Variants in ADK observed in about 807,000 individuals in gnomAD.
ADK encodes the protein adenosine kinase, also known as N6,N6-dimethyladenosine kinase.
ADK carries 24 observed loss-of-function variants against 44.7 expected under a neutral mutation model. The observed-to-expected ratio is 0.54, with a 90% CI of 0.39 to 0.76. The LOEUF (loss-of-function observed/expected upper bound fraction) is 0.76, where lower values mean the gene tolerates loss of function less well. Among genes scored for constraint, ADK ranks in the 30% least tolerant of loss-of-function variants. The pLI is 0.00. For synonymous variants in ADK, 128 were observed against 142.6 expected (o/e 0.90, Z 0.73); for missense variants, 321 against 425.1 (o/e 0.76, Z 2.15).
At chr10:74,650,453 G>A (rs904063461) in intron 9 of ADK, among the ~76,000 whole-genome samples, 5 of 151,972 alleles carry the variant, frequency 3.3e-5, no homozygotes, top group Non-Finnish European at 7.4e-5. Context: ...CTAATGTTGC[G>A]CTTTACAGCT....
chr10:74,243,065 G>A (rs544365654), intron 3 of ADK, among the ~76,000 whole-genome samples: 27 of 152,352 alleles, frequency 1.8e-4, no homozygotes, highest in African/African-American at 6.5e-4. Context: ...CTGGCCCTTT[G>A]CCCTCGCTGG....
At chr10:74,539,566 T>C (rs1029380454) in intron 7 of ADK, among the ~76,000 whole-genome samples, 1 of 152,156 alleles carries the variant, frequency 6.6e-6, no homozygotes, top group African/African-American at 2.4e-5. Context: ...ACTGTGCATA[T>C]AGATCTCTTT....
intron 9 of ADK, among the ~76,000 whole-genome samples, chr10:74,636,514 A>G (rs928092463): frequency 6.6e-6 from 1 of 152,234 alleles, no homozygotes; most frequent in Non-Finnish European, 1.5e-5. Context: ...TTAAAATAAT[A>G]GCAAGCTAAT....
At chr10:74,360,097 G>A (rs575222534) in intron 4 of ADK, among the ~76,000 whole-genome samples, 3 of 152,224 alleles carry the variant, frequency 2.0e-5, no homozygotes, top group South Asian at 4.1e-4. Context: ...TCCATGTACC[G>A]ATGAGAAGAA....
At chr10:74,427,921 G>A (rs1046752026) in intron 6 of ADK, among the ~76,000 whole-genome samples, 11 of 152,024 alleles carry the variant, frequency 7.2e-5, no homozygotes, top group African/African-American at 2.4e-4. Context: ...TAGTTCAGGC[G>A]GCCAGAGCTC....
intron 6 of ADK, among the ~76,000 whole-genome samples, chr10:74,402,722 C>T (rs1337499001): frequency 6.6e-6 from 1 of 152,008 alleles, no homozygotes; most frequent in Non-Finnish European, 1.5e-5. Flanking sequence ...TTTGTTATTA[C>T]CTATCTTTTG....
At chr10:74,588,405 A>C (rs565717316) in intron 7 of ADK, among the ~76,000 whole-genome samples, 4 of 152,198 alleles carry the variant, frequency 2.6e-5, no homozygotes, top group African/African-American at 9.6e-5. Flanking sequence ...TTTACATTAC[A>C]TTGACTTGTT....
chr10:74,684,317 G>C (rs751519725), intron 10 of ADK, among the ~76,000 whole-genome samples: 3 of 152,104 alleles, frequency 2.0e-5, no homozygotes, highest in Non-Finnish European at 4.4e-5. Flanking sequence ...AATGGCTAAG[G>C]GTTTTTCAGA....
intron 7 of ADK, among the ~76,000 whole-genome samples, chr10:74,567,149 CATT>C (rs1399195298): frequency 2.0e-5 from 3 of 152,144 alleles, no homozygotes; most frequent in Admixed American, 6.5e-5. Flanking sequence ...CTTTTTATCT[CATT>C]ATTTTATGAA....
intron 10 of ADK, among the ~76,000 whole-genome samples, chr10:74,701,615 A>C (rs1260967248): frequency 6.6e-6 from 1 of 152,244 alleles, no homozygotes; most frequent in Non-Finnish European, 1.5e-5. Context: ...GACCAAATTA[A>C]TTAAGGGCTG....
chr10:74,430,849 G>C (rs952846229), intron 6 of ADK, among the ~76,000 whole-genome samples: 2 of 151,884 alleles, frequency 1.3e-5, no homozygotes, highest in African/African-American at 4.8e-5. Context: ...AATATGCCTA[G>C]AGTGTTTGAG....
chr10:74,484,813 A>T (rs1389430066), intron 6 of ADK, among the ~76,000 whole-genome samples: 2 of 152,204 alleles, frequency 1.3e-5, no homozygotes, highest in African/African-American at 4.8e-5. Flanking sequence ...TTATTCAATA[A>T]ATGGTGCTGC....
chr10:74,406,517 T>TAAG (rs1459658853), intron 6 of ADK, among the ~76,000 whole-genome samples: 88 of 52,240 alleles, frequency 1.7e-3, no homozygotes, highest in Admixed American at 5.4e-3. Context: ...ATAATAATAA[T>TAAG]AATAATAATA....
chr10:74,355,301 AGTATGTAT>A (rs752235162), intron 4 of ADK, among the ~76,000 whole-genome samples: 1 of 152,172 alleles, frequency 6.6e-6, no homozygotes, highest in African/African-American at 2.4e-5. Flanking sequence ...TTGTTAAGAG[AGTATGTAT>A]GTATGTATAA....
In ADK at chr10:74,603,724, C is replaced by T. The variant is rs146858049; in HGVS notation, c.877+3231C>T. 6.1e-3 allele frequency among the ~76,000 whole-genome samples: 932 copies of T among 152,230 alleles called. 8 individuals are homozygous for T. Among genetic ancestry groups the T allele is most frequent in the African/African-American group, 0.021 (886 of 41,522 alleles). On this transcript the variant is annotated intron_variant, in intron 9 of 10. Transcript: ENST00000539909. Reference sequence around the variant, plus strand: ...GCAATAAACATATGTGTGTATGTGTCTTTATAGTAGAATGATTTATAATCC... The same window carrying T: ...GCAATAAACATATGTGTGTATGTGTTTTTATAGTAGAATGATTTATAATCC...
intron 7 of ADK, among the ~76,000 whole-genome samples, chr10:74,543,427 A>G (rs1849720685): frequency 6.6e-6 from 1 of 152,344 alleles, no homozygotes; most frequent in South Asian, 2.1e-4. Context: ...ATGTATGGAC[A>G]TTAAGACTGT....
At chr10:74,314,566 A>T in intron 3 of ADK, 101 bp from the exon 4 acceptor site, 1 of 733,756 alleles carries the variant, frequency 1.4e-6, no homozygotes, top group East Asian at 2.7e-5. Context: ...CAATAAAAAC[A>T]TTTTACTATT....
intron 1 of ADK, among the ~76,000 whole-genome samples, chr10:74,183,299 CG>C (rs981959414): frequency 6.6e-6 from 1 of 151,818 alleles, no homozygotes; most frequent in African/African-American, 2.4e-5. Flanking sequence ...TTGCTGGGCA[CG>C]GTGGCACATG....
At chr10:74,181,690 T>C (rs1564576767) in intron 1 of ADK, among the ~76,000 whole-genome samples, 1 of 152,322 alleles carries the variant, frequency 6.6e-6, no homozygotes, top group African/African-American at 2.4e-5. Flanking sequence ...TGGTAGAGCC[T>C]AAGATAGAAT....
Sources: gnomAD v4.1 joint callset for allele counts (sites outside exome capture counted in the v4.1 genomes callset) on GRCh38, gnomAD v4.1.1 for gene constraint, MANE v1.5 for transcripts, NCBI Gene and HGNC (gene_info 2026-07-23, HGNC 2026-07-21) for gene names.